GPATCH8: variants seen among roughly 807,000 people sequenced by gnomAD.
GPATCH8 encodes the protein G-patch domain containing 8.
In GPATCH8, 18 loss-of-function variants were observed where a neutral mutation model predicts 118.3. That is an observed-to-expected ratio of 0.15 (90% CI 0.11 to 0.23). The LOEUF is 0.23. Ranked by LOEUF, GPATCH8 falls within the 10% of genes least tolerant of loss-of-function variation. GPATCH8 has a pLI of 1.00. For synonymous variants in GPATCH8, 659 were observed against 684.7 expected (o/e 0.96, Z 0.59); for missense variants, 1,631 against 1,873.8 (o/e 0.87, Z 2.39).
Position 44,399,645 on chromosome 17 carries a change from C to T in GPATCH8, c.2432G>A (p.Ser811Asn). 1 of 1,614,214 alleles carries T rather than the reference C, an allele frequency of 6.2e-7. No homozygotes were observed. Among genetic ancestry groups the T allele is most frequent in the Non-Finnish European group, 8.5e-7 (1 of 1,180,030 alleles). Residue 811 changes from serine (S) to asparagine (N), a missense_variant, in exon 8 of 8, where the codon AGC (serine) becomes AAC (asparagine). Physicochemically the swap from Ser to Asn is conservative, Grantham distance 46 (BLOSUM62 1). Around this residue, in one of 8 missense-constraint regions of GPATCH8, gnomAD observed 922 missense variants for 879.7 expected, o/e 1.05. Coordinates refer to ENST00000591680, the MANE Select transcript of GPATCH8 (RefSeq NM_001002909.4). Reference protein sequence around the residue: ...TKRSSRSSHRSQPSSGDEDSD... With the variant: ...TKRSSRSSHRNQPSSGDEDSD... ...ATCCTCATCTCCACTACTGGGTTGG[C>T]TCCGATGGCTAGACCGGCTGCTCCG... is the stretch of plus-strand genomic sequence containing the variant.
intron 3 of GPATCH8, among the ~76,000 whole-genome samples, chr17:44,452,964 A>T (rs2051172184): frequency 1.3e-5 from 2 of 151,994 alleles, no homozygotes; most frequent in Non-Finnish European, 2.9e-5. Context: ...GGTGGCTGGG[A>T]CTACAGGCAC....
intron 1 of GPATCH8, among the ~76,000 whole-genome samples, chr17:44,500,019 T>C (rs1490074113): frequency 1.3e-5 from 2 of 152,110 alleles, no homozygotes; most frequent in Non-Finnish European, 2.9e-5. Context: ...TAGAAGCCGT[T>C]GGGAGACCAG....
rs553984425 is a variant in GPATCH8, at chr17:44,400,415, T to C, written c.1662A>G (p.Glu554=). The change falls in exon 8 of 8, where the codon GAA becomes GAG. Residue 554 remains glutamate, a synonymous_variant. Transcript: ENST00000591680. ...DESTALQWPS[E]LLIFTKAEPS... ...GTTCTGCCTTGGTGAAAATTAATAG[T>C]TCTGATGGCCACTGGAGGGCAGTGC... 4.3e-6 allele frequency: 7 copies of C among 1,613,982 alleles called. No homozygotes were observed. In the Admixed American group the frequency reaches 1.0e-4, roughly 23 times the overall value.
chr17:44,419,083 A>G (rs2049797935), intron 6 of GPATCH8, among the ~76,000 whole-genome samples: 1 of 152,232 alleles, frequency 6.6e-6, no homozygotes, highest in African/African-American at 2.4e-5. Context: ...TCAAACCTTG[A>G]ATGAGGGTGA....
At chr17:44,449,081 G>T (rs893220683) in intron 3 of GPATCH8, among the ~76,000 whole-genome samples, 2 of 152,082 alleles carry the variant, frequency 1.3e-5, no homozygotes, top group African/African-American at 4.8e-5. Context: ...TTCGAGACTA[G>T]CCTGGCCAAC....
intron 1 of GPATCH8, among the ~76,000 whole-genome samples, chr17:44,500,516 C>T (rs896544876): frequency 3.3e-5 from 5 of 152,320 alleles, no homozygotes; most frequent in East Asian, 1.9e-4. Context: ...AAAATACCTT[C>T]GCAACTTTAG....
chr17:44,410,958 T>G (rs1263742353), intron 6 of GPATCH8, among the ~76,000 whole-genome samples: 2 of 152,164 alleles, frequency 1.3e-5, no homozygotes, highest in Non-Finnish European at 2.9e-5. Context: ...TAAACAGCAT[T>G]ATATTGGCAG....
intron 2 of GPATCH8, chr17:44,464,872 A>C (rs1445718404): frequency 3.2e-6 from 1 of 312,216 alleles, no homozygotes; most frequent in Non-Finnish European, 6.1e-6. Context: ...ATAACACTAA[A>C]AAGCATAAAA....
At chr17:44,431,507 A>C (rs2050313984) in intron 5 of GPATCH8, among the ~76,000 whole-genome samples, 1 of 151,862 alleles carries the variant, frequency 6.6e-6, no homozygotes, top group African/African-American at 2.4e-5. Context: ...TGAGTAGAAA[A>C]TACCTAAGTG....
At chr17:44,489,909 A>T (rs1194463906) in intron 1 of GPATCH8, among the ~76,000 whole-genome samples, 1 of 152,094 alleles carries the variant, frequency 6.6e-6, no homozygotes, top group Non-Finnish European at 1.5e-5. Flanking sequence ...TCTGAAAGGT[A>T]TTTTTTGCTG....
At chr17:44,430,672 T>C (rs780666567) in intron 5 of GPATCH8, among the ~76,000 whole-genome samples, 1 of 151,820 alleles carries the variant, frequency 6.6e-6, no homozygotes, top group South Asian at 2.1e-4. Flanking sequence ...AGAGTCTCAC[T>C]CTGTCTGTCG....
chr17:44,410,975 G>A lies in GPATCH8; in HGVS notation c.493-4924C>T, dbSNP rs139793115. Among the ~76,000 whole-genome samples, 348 of 152,262 alleles carry A rather than the reference G, an allele frequency of 2.3e-3. 3 individuals carry two copies. In the Middle Eastern group the frequency reaches 0.054, roughly 24 times the overall value. On this transcript the variant is annotated intron_variant, in intron 6 of 7. Coordinates refer to ENST00000591680, the MANE Select transcript of GPATCH8 (RefSeq NM_001002909.4). ...AACAGCATTATATTGGCAGAAAAAC[G>A]TTTTACTGTGGACACAAAGTATTGC... is the stretch of plus-strand genomic sequence containing the variant.
rs1367496349 is a variant in GPATCH8, at chr17:44,399,329, A to G, written c.2748T>C (p.Tyr916=). The G allele has an allele frequency of 6.2e-7, 1 of 1,614,084 alleles. No homozygotes were observed. The highest frequency in any genetic ancestry group is 8.5e-7 in the Non-Finnish European group (1 of 1,179,914). The change falls in exon 8 of 8, where the codon TAT becomes TAC. Residue 916 remains tyrosine (Y), a synonymous_variant. Transcript: ENST00000591680. ...GTTTTGATCGGTGTTTGGAGCTGGCATAGTCTGAGTCATCTGAGTCATGGG... is the reference window on the plus strand; with the variant it reads ...GTTTTGATCGGTGTTTGGAGCTGGCGTAGTCTGAGTCATCTGAGTCATGGG... The part of the protein sequence containing the change: ...KRSHDSDDSD[Y]ASSKHRSKRH...
chr17:44,489,866 A>C (rs1432521508), intron 1 of GPATCH8, among the ~76,000 whole-genome samples: 1 of 152,204 alleles, frequency 6.6e-6, no homozygotes, highest in African/African-American at 2.4e-5. Flanking sequence ...AACATTCAGT[A>C]TGGCGTCTGA....
Position 44,399,571 on chromosome 17 carries a change from A to G in GPATCH8, c.2506T>C (p.Tyr836His). The G allele has an allele frequency of 6.2e-7, 1 of 1,614,058 alleles. No individual in the cohort carries two copies. Among genetic ancestry groups the G allele is most frequent in the Non-Finnish European group, 8.5e-7 (1 of 1,179,988 alleles). Residue 836 changes from tyrosine to histidine, a missense_variant, in exon 8 of 8, where the codon TAC (tyrosine) becomes CAC (histidine). Tyr to His is a moderately conservative substitution (Grantham distance 83). Transcript: ENST00000591680. ...TCTTCCTCTTCTTCTTCCTCACTGT[A>G]CTGGGATGGAGACTTCTGGTGCAGC... ...HRLHQKSPSQ[Y>H]SEEEEEEDSG...
chr17:44,477,809 TTTTTG>T (rs1473512822), intron 1 of GPATCH8, among the ~76,000 whole-genome samples: 1 of 152,124 alleles, frequency 6.6e-6, no homozygotes, highest in African/African-American at 2.4e-5. Flanking sequence ...CCTGAAAGTC[TTTTTG>T]TTTTGTTTTG....
intron 6 of GPATCH8, among the ~76,000 whole-genome samples, chr17:44,420,003 AAAAACC>A (rs951700230): frequency 6.6e-6 from 1 of 151,972 alleles, no homozygotes; most frequent in Non-Finnish European, 1.5e-5. Context: ...ACATTTCACC[AAAAACC>A]AAAACCAAAA....
chr17:44,474,018 T>C (rs1289353871), intron 2 of GPATCH8, among the ~76,000 whole-genome samples: 1 of 152,192 alleles, frequency 6.6e-6, no homozygotes, highest in East Asian at 1.9e-4. Context: ...AAGATTAAGA[T>C]TCCCTTTTTG....
At chr17:44,485,256 A>C (rs1968686256) in intron 1 of GPATCH8, among the ~76,000 whole-genome samples, 1 of 152,002 alleles carries the variant, frequency 6.6e-6, no homozygotes, top group Non-Finnish European at 1.5e-5. Flanking sequence ...GGTGCAAGCC[A>C]CCACACCCGT....
Sources: gnomAD v4.1 joint callset for allele counts (sites outside exome capture counted in the v4.1 genomes callset) on GRCh38, gnomAD v4.1.1 for gene constraint, gnomAD v4.1.1 regional missense constraint, MANE v1.5 for transcripts, NCBI Gene and HGNC (gene_info 2026-07-23, HGNC 2026-07-21) for gene names.